TMEM132C: variants seen among roughly 807,000 people sequenced by gnomAD.
The protein encoded by TMEM132C is transmembrane protein 132C, also known as protein phosphatase 1, regulatory subunit 152.
A neutral mutation model predicts 61.4 loss-of-function variants in TMEM132C; 29 were observed. The observed-to-expected ratio is 0.47, with a 90% confidence interval of 0.35 to 0.64. The LOEUF (loss-of-function observed/expected upper bound fraction) is 0.64, where lower values mean the gene tolerates loss of function less well. Ranked by LOEUF, TMEM132C falls within the 30% of genes least tolerant of loss-of-function variation. The pLI is 0.00. For synonymous variants in TMEM132C, 656 were observed against 633.1 expected (o/e 1.04, Z -0.54); for missense variants, 1,408 against 1,476.9 (o/e 0.95, Z 0.76).
At chr12:128,354,095 A>C (rs1873424193) in intron 1 of TMEM132C, among the ~76,000 whole-genome samples, 1 of 152,124 alleles carries the variant, frequency 6.6e-6, no homozygotes, top group Admixed American at 6.5e-5. Flanking sequence ...ACCCAGTTGG[A>C]ATCACCATTA....
intron 2 of TMEM132C, among the ~76,000 whole-genome samples, chr12:128,534,628 G>A (rs1873453605): frequency 6.6e-6 from 1 of 152,192 alleles, no homozygotes; most frequent in Non-Finnish European, 1.5e-5. Flanking sequence ...TTGAAGCCAG[G>A]CATCCTCAGT....
At chr12:128,401,497 C>T (rs574307481) in intron 1 of TMEM132C, among the ~76,000 whole-genome samples, 3 of 152,086 alleles carry the variant, frequency 2.0e-5, no homozygotes, top group African/African-American at 7.2e-5. Context: ...CAGCCACAGA[C>T]GCAGACTGGT....
chr12:128,704,373 C>G (rs183945126), intron 8 of TMEM132C, among the ~76,000 whole-genome samples: 1 of 152,266 alleles, frequency 6.6e-6, no homozygotes, highest in East Asian at 1.9e-4. Context: ...CTTCCTCTTT[C>G]ACTCTGCTAC....
rs186111303 is a variant in TMEM132C, at chr12:128,336,159, A to G, written c.85+68672A>G. On this transcript the variant is annotated intron_variant, in intron 1 of 8. Coordinates refer to ENST00000435159, the MANE Select transcript of TMEM132C (RefSeq NM_001136103.3). ...ATGTTTAAGTGATTTTGGTTTAATTACTATTACAGTCATACTATTACAGTG... is the reference window on the plus strand; with the variant it reads ...ATGTTTAAGTGATTTTGGTTTAATTGCTATTACAGTCATACTATTACAGTG... 4.6e-5 allele frequency among the ~76,000 whole-genome samples: 7 copies of G among 152,318 alleles called. No individual in the cohort carries two copies. The East Asian group carries it at 1.3e-3, about 29-fold the overall frequency.
In TMEM132C at chr12:128,706,188, A is replaced by G. The variant is rs1954838978; in HGVS notation, c.3220A>G (p.Ile1074Val). 3 of 1,551,808 alleles carry G rather than the reference A, an allele frequency of 1.9e-6. No individual in the cohort carries two copies. The highest frequency in any genetic ancestry group is 2.4e-5 in the South Asian group (2 of 84,066). The stretch of plus-strand genomic sequence containing the variant: ...CGACAGCTGCCCCACGGTGAACTCC[A>G]TCGTCAGCAGCAATGATGAGGACAT... ...PDDSCPTVNS[I>V]VSSNDEDIKW... Residue 1074 changes from isoleucine (I) to valine (V), a missense_variant, in exon 9 of 9, where the codon ATC becomes GTC. Transcript: ENST00000435159.
At chr12:128,398,878 G>A (rs947716857) in intron 1 of TMEM132C, among the ~76,000 whole-genome samples, 8 of 152,088 alleles carry the variant, frequency 5.3e-5, no homozygotes, top group Non-Finnish European at 1.0e-4. Flanking sequence ...TCCACTTAAC[G>A]GATATTTTTC....
rs752800024 is a variant in TMEM132C, at chr12:128,414,979, C to T, written c.333C>T (p.Asp111=). 5.8e-6 allele frequency: 9 copies of T among 1,552,054 alleles called. No individual in the cohort carries two copies. The East Asian group carries it at 2.2e-4, about 38-fold the overall frequency. The part of the protein sequence containing the change: ...PFSVEKVVPL[D]LMLTSNFLGP... ...CTGTGGAGAAGGTTGTGCCTCTGGA[C>T]TTGATGTTGACTTCAAACTTTTTAG... is the stretch of plus-strand genomic sequence containing the variant. Residue 111 remains aspartate, a synonymous_variant, in exon 2 of 9, where the codon GAC becomes GAT. Transcript: ENST00000435159.
Position 128,669,446 on chromosome 12 carries a change from C to G in TMEM132C, c.1335C>G (p.Leu445=), listed in dbSNP as rs1467654123. The part of the protein sequence containing the change: ...MDTEILNTAV[L]TGKTVAMPIK... ...CTGAAATTCTGAACACCGCCGTACT[C>G]ACAGGAAAGACAGTTGCCATGCCTA... is the stretch of plus-strand genomic sequence containing the variant. Residue 445 remains leucine, a synonymous_variant, in exon 5 of 9, where the codon CTC becomes CTG. Coordinates refer to ENST00000435159, the MANE Select transcript of TMEM132C (RefSeq NM_001136103.3). 1.2e-5 allele frequency: 19 copies of G among 1,551,608 alleles called. No individual in the cohort carries two copies. Among genetic ancestry groups the G allele is most frequent in the Non-Finnish European group, 1.6e-5 (18 of 1,146,964 alleles).
chr12:128,641,738 G>A (rs529854609), intron 4 of TMEM132C, among the ~76,000 whole-genome samples: 10 of 152,324 alleles, frequency 6.6e-5, no homozygotes, highest in South Asian at 4.1e-4. Flanking sequence ...GTGGTCATGC[G>A]TTATAGCAGC....
chr12:128,541,686 G>A (rs1355393653), intron 2 of TMEM132C, among the ~76,000 whole-genome samples: 4 of 152,188 alleles, frequency 2.6e-5, no homozygotes, highest in Admixed American at 6.5e-5. Flanking sequence ...ATAAAGGAGG[G>A]GGACTAAAAG....
chr12:128,279,016 C>T (rs1238649640), intron 1 of TMEM132C, among the ~76,000 whole-genome samples: 1 of 152,142 alleles, frequency 6.6e-6, no homozygotes, highest in Admixed American at 6.5e-5. Flanking sequence ...ACTTGCCAGA[C>T]TCCATAATTG....
intron 1 of TMEM132C, among the ~76,000 whole-genome samples, chr12:128,322,649 G>A (rs1374969401): frequency 1.3e-5 from 2 of 152,150 alleles, no homozygotes; most frequent in African/African-American, 2.4e-5. Flanking sequence ...GAGTTCAAAG[G>A]ACATCAGTAA....
intron 5 of TMEM132C, among the ~76,000 whole-genome samples, chr12:128,682,295 C>G (rs1954641874): frequency 6.6e-6 from 1 of 152,190 alleles, no homozygotes; most frequent in Non-Finnish European, 1.5e-5. Context: ...CCTCCACCCC[C>G]TTATTCTTTG....
chr12:128,407,266 G>A (rs559837941), intron 1 of TMEM132C, among the ~76,000 whole-genome samples: 22 of 152,308 alleles, frequency 1.4e-4, no homozygotes, highest in African/African-American at 5.3e-4. Context: ...TGTAAGATGT[G>A]CCTTTGCTTC....
intron 1 of TMEM132C, among the ~76,000 whole-genome samples, chr12:128,312,113 C>CTCTCAGT (rs1871989659): frequency 6.6e-6 from 1 of 152,220 alleles, no homozygotes; most frequent in Non-Finnish European, 1.5e-5. Context: ...TTCCCTCCCT[C>CTCTCAGT]TCTCAGTTCT....
intron 1 of TMEM132C, among the ~76,000 whole-genome samples, chr12:128,414,468 A>G (rs1444600655): frequency 6.6e-6 from 1 of 152,208 alleles, no homozygotes; most frequent in South Asian, 2.1e-4. Flanking sequence ...GTTGAACTCT[A>G]TGAAACTGCC....
chr12:128,614,693 T>C (rs1405806141), intron 3 of TMEM132C, among the ~76,000 whole-genome samples: 1 of 152,186 alleles, frequency 6.6e-6, no homozygotes, highest in African/African-American at 2.4e-5. Flanking sequence ...AATACATATA[T>C]CTCAAATGCA....
At chr12:128,580,808 A>C (rs1378413878) in intron 3 of TMEM132C, among the ~76,000 whole-genome samples, 2 of 152,074 alleles carry the variant, frequency 1.3e-5, no homozygotes, top group South Asian at 2.1e-4. Flanking sequence ...CCCACCCCAT[A>C]GGCATCTGCA....
chr12:128,449,635 A>C (rs977776249), intron 2 of TMEM132C, among the ~76,000 whole-genome samples: 63 of 152,310 alleles, frequency 4.1e-4, no homozygotes, highest in African/African-American at 1.5e-3. Context: ...AGGCGTGAAG[A>C]TGCAATCTTA....
Sources: gnomAD v4.1 joint callset for allele counts (sites outside exome capture counted in the v4.1 genomes callset) on GRCh38, gnomAD v4.1.1 for gene constraint, MANE v1.5 for transcripts, NCBI Gene and HGNC (gene_info 2026-07-23, HGNC 2026-07-21) for gene names.